GFRA2: variants seen among roughly 807,000 people sequenced by gnomAD.
GFRA2 encodes GDNF family receptor alpha-2.
GFRA2 carries 17 observed loss-of-function variants against 48.3 expected under a neutral mutation model. That is an observed-to-expected ratio of 0.35 (90% CI 0.24 to 0.53). The LOEUF (loss-of-function observed/expected upper bound fraction) is 0.53. GFRA2 is among the 20% of genes least tolerant of loss of function. GFRA2 has a pLI of 0.93. For missense variants in GFRA2, 660 were observed against 637.3 expected, an observed-to-expected ratio of 1.04 and a Z score of -0.38; for synonymous variants, 305 against 257.2, an observed-to-expected ratio of 1.19 and a Z score of -1.78.
intron 1 of GFRA2, among the ~76,000 whole-genome samples, chr8:21,809,277 G>A (rs537198442): frequency 6.6e-6 from 1 of 152,344 alleles, no homozygotes; most frequent in South Asian, 2.1e-4. Flanking sequence ...ATGCATGTCC[G>A]CTGCAGATGT....
chr8:21,764,759 T>TA (rs1462716716), intron 3 of GFRA2, among the ~76,000 whole-genome samples: 1 of 152,190 alleles, frequency 6.6e-6, no homozygotes, highest in African/African-American at 2.4e-5. Context: ...TCCCAACAGG[T>TA]ACAAATGTGC....
rs1045241567 is a variant in GFRA2 at position 21,691,724 on chromosome 8, C to A, written c.*1554G>T. On this transcript the variant is annotated 3_prime_UTR_variant, in exon 9 of 9. Coordinates refer to ENST00000524240, the MANE Select transcript of GFRA2 (RefSeq NM_001495.5). ...ACTGCATTCTCTTCCAGCCTGGGAG[C>A]CACAGGCATTTGCGCCAACTGGAGA... 1 of 152,276 alleles carries A rather than the reference C, an allele frequency of 6.6e-6. No individual in the cohort carries two copies. The highest frequency in any genetic ancestry group is 2.4e-5 in the African/African-American group (1 of 41,462). The allele number at this position is 152,276 out of a possible 1,614,324, so 9.4% of individuals were successfully genotyped here. A position where few individuals can be genotyped will look rare whatever the true frequency, so the allele number is the denominator to read the frequency against.
chr8:21,755,754 A>G (rs753942546), intron 3 of GFRA2, among the ~76,000 whole-genome samples: 1 of 152,216 alleles, frequency 6.6e-6, no homozygotes, highest in African/African-American at 2.4e-5. Flanking sequence ...AGCAGGTGCA[A>G]TCGCTGGGAG....
intron 3 of GFRA2, among the ~76,000 whole-genome samples, chr8:21,767,463 C>T (rs1345751235): frequency 6.6e-6 from 1 of 152,274 alleles, no homozygotes; most frequent in Non-Finnish European, 1.5e-5. Flanking sequence ...CAGGAGCGTG[C>T]AGGCATGGGT....
At chr8:21,693,783 G>GAGGGGAAGGAGAGAGGAAAGGA (rs377492079) in intron 8 of GFRA2, among the ~76,000 whole-genome samples, 3 of 150,876 alleles carry the variant, frequency 2.0e-5, no homozygotes, top group South Asian at 2.2e-4. Flanking sequence ...AGAGGAAGGA[G>GAGGGGAAGGAGAGAGGAAAGGA]AGGGGAAGGA....
At chr8:21,811,382 A>G (rs1200670215) in intron 1 of GFRA2, among the ~76,000 whole-genome samples, 1 of 152,144 alleles carries the variant, frequency 6.6e-6, no homozygotes, top group East Asian at 1.9e-4. Context: ...TGACTTTACC[A>G]GCTCTTAGGG....
intron 4 of GFRA2, among the ~76,000 whole-genome samples, chr8:21,731,637 C>T (rs1016839344): frequency 3.9e-5 from 6 of 152,132 alleles, no homozygotes; most frequent in African/African-American, 1.4e-4. Flanking sequence ...TGTGCGCCCC[C>T]ATTAAAGTCT....
chr8:21,784,288 C>T (rs1000772720), intron 1 of GFRA2: 32 of 456,098 alleles, frequency 7.0e-5, no homozygotes, highest in African/African-American at 5.8e-4. Flanking sequence ...ACTCGAGATC[C>T]TGCCACCAGG....
chr8:21,757,820 A>C (rs1350979642), intron 3 of GFRA2, among the ~76,000 whole-genome samples: 1 of 152,166 alleles, frequency 6.6e-6, no homozygotes. Context: ...TTAATTCTTA[A>C]ATAATGAATC....
chr8:21,700,352 C>T (rs781478064), intron 7 of GFRA2, among the ~76,000 whole-genome samples: 1 of 152,184 alleles, frequency 6.6e-6, no homozygotes, highest in Non-Finnish European at 1.5e-5. Context: ...AGAGAGGGGG[C>T]CAAAGCCTGA....
intron 2 of GFRA2, among the ~76,000 whole-genome samples, chr8:21,796,319 C>A (rs1480619273): frequency 2.0e-5 from 3 of 152,248 alleles, no homozygotes; most frequent in African/African-American, 7.2e-5. Flanking sequence ...CTGCCAGGTA[C>A]CCGAGGTCAA....
intron 4 of GFRA2, among the ~76,000 whole-genome samples, chr8:21,736,150 C>T (rs561514306): frequency 1.3e-5 from 2 of 152,332 alleles, no homozygotes; most frequent in Non-Finnish European, 1.5e-5. Context: ...TGTTCCCTAC[C>T]ATCTGGCAGG....
intron 4 of GFRA2, among the ~76,000 whole-genome samples, chr8:21,749,213 T>A (rs1421182045): frequency 6.7e-6 from 1 of 150,082 alleles, no homozygotes; most frequent in Non-Finnish European, 1.5e-5. Flanking sequence ...AGTATAACCA[T>A]GCACCACCAC....
At chr8:21,777,031 T>C (rs983869776) in intron 2 of GFRA2, among the ~76,000 whole-genome samples, 3 of 152,202 alleles carry the variant, frequency 2.0e-5, no homozygotes, top group African/African-American at 2.4e-5. Context: ...GCTTTAGATA[T>C]AGCTCATTTC....
chr8:21,755,470 T>G (rs1274020364), intron 3 of GFRA2, among the ~76,000 whole-genome samples: 2 of 152,082 alleles, frequency 1.3e-5, no homozygotes, highest in African/African-American at 2.4e-5. Flanking sequence ...ATCAATCCAT[T>G]AATATATCTT....
intron 1 of GFRA2, among the ~76,000 whole-genome samples, chr8:21,810,350 C>T (rs982491575): frequency 6.6e-6 from 1 of 152,162 alleles, no homozygotes; most frequent in Non-Finnish European, 1.5e-5. Flanking sequence ...CAGCCTCCTC[C>T]CTCTGCCCAC....
intron 3 of GFRA2, among the ~76,000 whole-genome samples, chr8:21,753,544 G>A (rs1322502331): frequency 2.6e-5 from 4 of 151,980 alleles, no homozygotes; most frequent in East Asian, 1.9e-4. Flanking sequence ...ACTTGAACCC[G>A]GGAGGCAGAG....
At chr8:21,773,490 C>T (rs1258882512) in intron 3 of GFRA2, among the ~76,000 whole-genome samples, 3 of 152,214 alleles carry the variant, frequency 2.0e-5, no homozygotes, top group South Asian at 2.1e-4. Flanking sequence ...TCTCCTAGAG[C>T]GTGCTTTCTC....
chr8:21,752,053 G>A (rs1805318684), intron 3 of GFRA2, among the ~76,000 whole-genome samples: 1 of 152,074 alleles, frequency 6.6e-6, no homozygotes, highest in South Asian at 2.1e-4. Flanking sequence ...TCTGCAAACT[G>A]GTATCTACCA....
Sources: allele counts gnomAD v4.1 joint callset (sites outside exome capture counted in the v4.1 genomes callset), GRCh38; gene constraint gnomAD v4.1.1; transcripts MANE v1.5; gene names NCBI Gene and HGNC (gene_info 2026-07-23, HGNC 2026-07-21).